Variants in PCDHGA7 observed in about 807,000 individuals in gnomAD.
PCDHGA7 encodes protocadherin gamma-A7.
In PCDHGA7, 44 loss-of-function variants were observed where a neutral mutation model predicts 58.3. The observed-to-expected ratio is 0.75, with a 90% CI of 0.59 to 0.97. PCDHGA7 has a LOEUF of 0.97. PCDHGA7 is among the 50% of genes least tolerant of loss of function. The probability of loss-of-function intolerance (pLI) is 0.00; values close to 1 mark genes in which losing one functional copy is unlikely to be tolerated. For synonymous variants in PCDHGA7, 516 were observed against 504.2 expected (o/e 1.02, Z -0.31); for missense variants, 1,266 against 1,188.7 (o/e 1.06, Z -0.96).
chr5:141,418,986 C>T, intron 1 of PCDHGA7: 1 of 1,613,930 alleles, frequency 6.2e-7, no homozygotes, highest in Non-Finnish European at 8.5e-7. Context: ...GACCAAGACT[C>T]AGGGGAAAAT....
At chr5:141,492,382 T>C (rs71583650) in intron 1 of PCDHGA7, among the ~76,000 whole-genome samples, 2,103 of 152,322 alleles carry the variant, frequency 0.014, 36 homozygotes, top group African/African-American at 0.031. Flanking sequence ...ACAGGCCTGT[T>C]CCGGTCCACT....
chr5:141,400,565 A>C (rs766459739), intron 1 of PCDHGA7: 1 of 1,612,948 alleles, frequency 6.2e-7, no homozygotes, highest in South Asian at 1.1e-5. Flanking sequence ...TTACCCACCC[A>C]ATTTTCTGTA....
rs114847835 is a variant in PCDHGA7, at chr5:141,486,500, C to T, written c.2425-8307C>T. The T allele has an allele frequency of 6.2e-6, 10 of 1,614,008 alleles. No homozygotes were observed. The East Asian group carries it at 1.8e-4, about 29-fold the overall frequency. On this transcript the variant is annotated intron_variant, in intron 1 of 3. Coordinates refer to ENST00000518325, the MANE Select transcript of PCDHGA7 (RefSeq NM_018920.4). This position sits in a 1 kb window ranked among gnomAD's most constrained non-coding sequence, Gnocchi z 5.0. ...TCTCAGTACCCACAGAACTATTTTCCTCAATATTTCAGATGTGAATGATAA... is the reference window on the plus strand; with the variant it reads ...TCTCAGTACCCACAGAACTATTTTCTTCAATATTTCAGATGTGAATGATAA...
intron 2 of PCDHGA7, among the ~76,000 whole-genome samples, chr5:141,502,944 A>G (rs1447378539): frequency 1.4e-5 from 2 of 145,406 alleles, no homozygotes; most frequent in Non-Finnish European, 1.5e-5. Context: ...CCTGGGTTCA[A>G]GCGATTCTCC....
chr5:141,510,510 G>A (rs1042950478), intron 3 of PCDHGA7, among the ~76,000 whole-genome samples: 5 of 152,132 alleles, frequency 3.3e-5, no homozygotes, highest in Non-Finnish European at 5.9e-5. Context: ...CTGAGAGCCC[G>A]TGTCACAGCC....
intron 1 of PCDHGA7, chr5:141,421,041 C>G (rs963777669): frequency 5.5e-6 from 3 of 546,514 alleles, no homozygotes; most frequent in Non-Finnish European, 9.5e-6. Context: ...TCCCTCCCTC[C>G]CCCGCCTCTA....
intron 1 of PCDHGA7, chr5:141,395,544 G>A (rs1352260391): frequency 8.7e-5 from 1 of 11,524 alleles, no homozygotes. Flanking sequence ...GCTATTGTTT[G>A]TGTGTGTGTG....
chr5:141,468,847 C>T (rs2099182933), intron 1 of PCDHGA7, among the ~76,000 whole-genome samples: 1 of 151,986 alleles, frequency 6.6e-6, no homozygotes, highest in African/African-American at 2.4e-5. Flanking sequence ...GCCTGGGCAA[C>T]AGAGCGAGAC....
At chr5:141,398,565 A>G (rs2150749377) in intron 1 of PCDHGA7, 2 of 1,614,040 alleles carry the variant, frequency 1.2e-6, no homozygotes, top group South Asian at 1.1e-5. Context: ...GTGAGTCTGC[A>G]CAGCCTGGCA....
Position 141,383,132 on chromosome 5 carries a change from A to G in PCDHGA7, c.233A>G (p.Asn78Ser). The G allele has an allele frequency of 1.2e-6, 2 of 1,614,110 alleles. No individual in the cohort carries two copies. The highest frequency in any genetic ancestry group is 1.7e-6 in the Non-Finnish European group (2 of 1,179,990). ...SRGRTQLFALNQRSGSLVTAG... is the reference protein window; with the variant it reads ...SRGRTQLFALSQRSGSLVTAG... ...GGTAGGACGCAGCTTTTCGCCCTGA[A>G]CCAGCGCAGCGGCAGCTTGGTCACT... The change falls in exon 1 of 4, where the codon AAC becomes AGC. Residue 78 changes from asparagine (N) to serine (S), a missense_variant. Physicochemically the swap from Asn to Ser is conservative, Grantham distance 46. Coordinates refer to ENST00000518325, the MANE Select transcript of PCDHGA7 (RefSeq NM_018920.4).
rs775284049 is a variant in PCDHGA7 at position 141,431,448 on chromosome 5, T to C, written c.2424+46125T>C. On this transcript the variant is annotated intron_variant, in intron 1 of 3. Coordinates refer to ENST00000518325, the MANE Select transcript of PCDHGA7 (RefSeq NM_018920.4). The surrounding 1 kb of genome is among the most constrained non-coding windows in gnomAD (Gnocchi z 4.8). ...CGCACAGGCACCGCGCGCATCCGCG[T>C]GATGGTTCTGGATGCGAACGACAAC... 2.5e-6 allele frequency: 4 copies of C among 1,613,706 alleles called. No individual in the cohort carries two copies. The South Asian group carries it at 4.4e-5, about 18-fold the overall frequency.
intron 1 of PCDHGA7, among the ~76,000 whole-genome samples, chr5:141,482,526 C>T (rs1198022164): frequency 1.5e-5 from 1 of 68,582 alleles, no homozygotes; most frequent in African/African-American, 9.7e-5. Flanking sequence ...ATGAGACAGA[C>T]ATGCAAAAAA....
chr5:141,427,960 G>T (rs759698390), intron 1 of PCDHGA7: 2 of 1,589,168 alleles, frequency 1.3e-6, no homozygotes, highest in Non-Finnish European at 1.7e-6. Context: ...AATGTGCCGC[G>T]GGTGCTGTAC....
chr5:141,383,465 C>T lies in PCDHGA7; in HGVS notation c.566C>T (p.Thr189Ile). The change falls in exon 1 of 4, where the codon ACT (threonine) becomes ATT (isoleucine). Residue 189 changes from threonine to isoleucine, a missense_variant. Physicochemically the swap from Thr to Ile is moderately conservative, Grantham distance 89. Coordinates refer to ENST00000518325, the MANE Select transcript of PCDHGA7 (RefSeq NM_018920.4). ...SLAVQSGDDE[T>I]KYPELVLERV... is the part of the protein sequence containing the mutation. Reference sequence around the variant, plus strand: ...GCTGTGCAAAGTGGAGACGATGAAACTAAGTACCCGGAACTGGTGCTGGAG... The same window carrying T: ...GCTGTGCAAAGTGGAGACGATGAAATTAAGTACCCGGAACTGGTGCTGGAG... 6.2e-7 allele frequency: 1 copy of T among 1,613,792 alleles called. No individual in the cohort carries two copies. The highest frequency in any genetic ancestry group is 8.5e-7 in the Non-Finnish European group (1 of 1,179,830).
At chr5:141,492,063 C>T in intron 1 of PCDHGA7, 1 of 481,160 alleles carries the variant, frequency 2.1e-6, no homozygotes, top group African/African-American at 2.0e-5. Flanking sequence ...CAGCCAGCCT[C>T]CTAGGCGCCG....
In PCDHGA7 at chr5:141,383,993, T is replaced by G. The variant is rs1779669421; in HGVS notation, c.1094T>G (p.Val365Gly). The G allele has an allele frequency of 3.7e-6, 6 of 1,613,872 alleles. No individual in the cohort carries two copies. The highest frequency in any genetic ancestry group is 1.6e-4 in the Middle Eastern group (1 of 6,062). ...CCTGAAGACACACCTCTTGGGACAG[T>G]CATTGCTCTTTTCTACCTACAAGAC... ...SIPEDTPLGT[V>G]IALFYLQDRD... The change falls in exon 1 of 4, where the codon GTC (valine) becomes GGC (glycine). Residue 365 changes from valine to glycine, a missense_variant. By Grantham distance (109) the Val-to-Gly change is moderately radical (BLOSUM62 -3). Transcript: ENST00000518325.
At chr5:141,434,392 CA>C (rs1377925864) in intron 1 of PCDHGA7, among the ~76,000 whole-genome samples, 2 of 152,210 alleles carry the variant, frequency 1.3e-5, no homozygotes, top group Non-Finnish European at 2.9e-5. Context: ...TGGCCATAAA[CA>C]AAATCTCTGC....
chr5:141,486,361 C>T lies in PCDHGA7; in HGVS notation c.2425-8446C>T. 1.2e-6 allele frequency: 2 copies of T among 1,614,086 alleles called. No individual in the cohort carries two copies. The highest frequency in any genetic ancestry group is 1.7e-6 in the Non-Finnish European group (2 of 1,179,994). On this transcript the variant is annotated intron_variant, in intron 1 of 3. Coordinates refer to ENST00000518325, the MANE Select transcript of PCDHGA7 (RefSeq NM_018920.4). This position sits in a 1 kb window ranked among gnomAD's most constrained non-coding sequence, Gnocchi z 5.0. ...GCATTCCTGACCACTTGCCATTTGCCCTCAAGTCTGCCTTCAGGAACCAGT... is the reference window on the plus strand; with the variant it reads ...GCATTCCTGACCACTTGCCATTTGCTCTCAAGTCTGCCTTCAGGAACCAGT...
In PCDHGA7 at chr5:141,382,952, T is replaced by C. The variant is rs781221322; in HGVS notation, c.53T>C (p.Ile18Thr). The change falls in exon 1 of 4, where the codon ATC (isoleucine) becomes ACC (threonine). Residue 18 changes from isoleucine to threonine, a missense_variant. Ile to Thr is a moderately conservative substitution (Grantham distance 89, BLOSUM62 -1). Transcript: ENST00000518325. ...GDYRGFFLLS[I>T]LLGTPWEAWA... Reference sequence around the variant, plus strand: ...TACAGAGGATTCTTCCTGCTCTCCATCCTCCTGGGGACCCCCTGGGAAGCC... The same window carrying C: ...TACAGAGGATTCTTCCTGCTCTCCACCCTCCTGGGGACCCCCTGGGAAGCC... 1 of 1,601,438 alleles carries C rather than the reference T, an allele frequency of 6.2e-7. No individual in the cohort carries two copies. The highest frequency in any genetic ancestry group is 8.5e-7 in the Non-Finnish European group (1 of 1,171,694).
Sources: gnomAD v4.1 joint callset for allele counts (sites outside exome capture counted in the v4.1 genomes callset) on GRCh38, gnomAD v4.1.1 for gene constraint, Gnocchi (gnomAD v3.1) non-coding constraint, MANE v1.5 for transcripts, NCBI Gene and HGNC (gene_info 2026-07-23, HGNC 2026-07-21) for gene names.